Variants in NDUFS4 observed in about 807,000 individuals in gnomAD.
The protein encoded by NDUFS4 is NADH:ubiquinone oxidoreductase subunit S4.
In NDUFS4, 28 loss-of-function variants were observed where a neutral mutation model predicts 24.3. The ratio of observed to expected loss-of-function variants is 1.15; its 90% confidence interval spans 0.85 to 1.58. NDUFS4 has a LOEUF of 1.58. NDUFS4 is among the 40% of genes most tolerant of loss of function. The pLI is 0.00. For missense variants in NDUFS4, 223 were observed against 207.9 expected (o/e 1.07, Z -0.45); for synonymous variants, 93 against 69.7 (o/e 1.34, Z -1.67).
At chr5:53,566,579 G>T (rs6450151) in intron 1 of NDUFS4, among the ~76,000 whole-genome samples, 1 of 151,776 alleles carries the variant, frequency 6.6e-6, no homozygotes, top group Non-Finnish European at 1.5e-5. Flanking sequence ...ATTGTCTCTT[G>T]GTATCCATGA....
intron 3 of NDUFS4, among the ~76,000 whole-genome samples, chr5:53,655,864 C>T (rs1579924008): frequency 2.6e-5 from 4 of 152,116 alleles, no homozygotes; most frequent in Admixed American, 2.6e-4. Flanking sequence ...ATGGAAAGCA[C>T]AAGGTGTTTA....
At chr5:53,680,382 C>CACAT (rs1403914236) in intron 4 of NDUFS4, among the ~76,000 whole-genome samples, 1 of 152,100 alleles carries the variant, frequency 6.6e-6, no homozygotes, top group African/African-American at 2.4e-5. Flanking sequence ...GCTATAAAGA[C>CACAT]ACATGCACAC....
chr5:53,679,969 C>T (rs532985269), intron 4 of NDUFS4, among the ~76,000 whole-genome samples: 1 of 152,212 alleles, frequency 6.6e-6, no homozygotes. Context: ...ATTTATTTTA[C>T]AGGATTCTTA....
intron 2 of NDUFS4, among the ~76,000 whole-genome samples, chr5:53,623,540 C>T (rs1751121650): frequency 6.6e-6 from 1 of 152,106 alleles, no homozygotes; most frequent in Admixed American, 6.5e-5. Context: ...TCCTTTGATG[C>T]ACAAAAATTT....
intron 4 of NDUFS4, among the ~76,000 whole-genome samples, chr5:53,663,120 A>C (rs1246460760): frequency 6.6e-6 from 1 of 152,026 alleles, no homozygotes; most frequent in Non-Finnish European, 1.5e-5. Context: ...GTTTCCATGT[A>C]GTTGAGCGGT....
chr5:53,581,055 G>A (rs1749553942), intron 1 of NDUFS4, among the ~76,000 whole-genome samples: 1 of 151,984 alleles, frequency 6.6e-6, no homozygotes, highest in Non-Finnish European at 1.5e-5. Context: ...CTGGTCTTGA[G>A]CTCCCAACCT....
intron 2 of NDUFS4, among the ~76,000 whole-genome samples, chr5:53,607,108 C>T (rs1750542620): frequency 6.6e-6 from 1 of 152,084 alleles, no homozygotes; most frequent in African/African-American, 2.4e-5. Context: ...TAGATCAGAC[C>T]AGAATGTCAC....
At chr5:53,659,996 AT>A (rs1484389045) in intron 4 of NDUFS4, among the ~76,000 whole-genome samples, 2 of 150,678 alleles carry the variant, frequency 1.3e-5, no homozygotes, top group African/African-American at 4.9e-5. Flanking sequence ...CTATTCTGTT[AT>A]TAATAGACTT....
chr5:53,590,521 A>G (rs761095214), intron 1 of NDUFS4, among the ~76,000 whole-genome samples: 17 of 152,200 alleles, frequency 1.1e-4, no homozygotes, highest in Non-Finnish European at 2.9e-5. Flanking sequence ...AATTTGTTCC[A>G]TGAGGCAGTA....
chr5:53,663,838 G>A (rs576035672), intron 4 of NDUFS4, among the ~76,000 whole-genome samples: 2 of 152,140 alleles, frequency 1.3e-5, no homozygotes, highest in East Asian at 3.9e-4. Context: ...TTACCTTTAA[G>A]GTTAATATTG....
chr5:53,657,882 G>A lies in NDUFS4; in HGVS notation c.351-669G>A, dbSNP rs554412520. Among the ~76,000 whole-genome samples, 4 of 148,984 alleles carry A rather than the reference G, an allele frequency of 2.7e-5. No individual in the cohort carries two copies. In the South Asian group the frequency reaches 6.3e-4, roughly 24 times the overall value. Reference sequence around the variant, plus strand: ...AGAGGTTGCAGTGAGCCCAGATCACGCCACTGTACTCCAGCCTGGGCGACA... The same window carrying A: ...AGAGGTTGCAGTGAGCCCAGATCACACCACTGTACTCCAGCCTGGGCGACA... On this transcript the variant is annotated intron_variant, in intron 3 of 4. Transcript: ENST00000296684.
chr5:53,636,728 G>A (rs1424771204), intron 2 of NDUFS4, among the ~76,000 whole-genome samples: 5 of 152,150 alleles, frequency 3.3e-5, no homozygotes, highest in Non-Finnish European at 7.4e-5. Flanking sequence ...GGATCATCAT[G>A]GTGGTTGGTC....
chr5:53,603,605 T>C, intron 2 of NDUFS4, 75 bp downstream of exon 2: 1 of 1,166,540 alleles, frequency 8.6e-7, no homozygotes, highest in South Asian at 1.3e-5. Flanking sequence ...TTCAGTATGG[T>C]GTTCCAGGTT....
chr5:53,611,308 G>GT (rs1375005111), intron 2 of NDUFS4, among the ~76,000 whole-genome samples: 2 of 150,948 alleles, frequency 1.3e-5, no homozygotes, highest in Non-Finnish European at 2.9e-5. Flanking sequence ...GCATTTTCTA[G>GT]TGCAAGAATC....
At chr5:53,614,660 A>C (rs192061568) in intron 2 of NDUFS4, among the ~76,000 whole-genome samples, 3 of 151,948 alleles carry the variant, frequency 2.0e-5, no homozygotes, top group Admixed American at 2.0e-4. Flanking sequence ...TAATGCATAG[A>C]CCTGTAGTAT....
At chr5:53,603,641 T>C in intron 2 of NDUFS4, 111 bp downstream of exon 2, 1 of 813,106 alleles carries the variant, frequency 1.2e-6, no homozygotes, top group Non-Finnish European at 2.1e-6. Flanking sequence ...TGAATTTGAA[T>C]TTCTAGATTA....
intron 2 of NDUFS4, among the ~76,000 whole-genome samples, chr5:53,606,752 C>T (rs1236114149): frequency 6.6e-6 from 1 of 152,234 alleles, no homozygotes; most frequent in Admixed American, 6.5e-5. Flanking sequence ...GCCTCCATAA[C>T]CTAATCACCT....
At chr5:53,667,498 A>G (rs960549768) in intron 4 of NDUFS4, among the ~76,000 whole-genome samples, 2 of 151,388 alleles carry the variant, frequency 1.3e-5, no homozygotes, top group Admixed American at 6.6e-5. Flanking sequence ...AAAAAAAAAA[A>G]AAAAAGGTGG....
intron 1 of NDUFS4, among the ~76,000 whole-genome samples, chr5:53,596,143 C>A (rs1750126464): frequency 6.6e-6 from 1 of 151,944 alleles, no homozygotes; most frequent in Non-Finnish European, 1.5e-5. Flanking sequence ...TTAAAATGGT[C>A]CCTTAGGCTG....
Sources: allele counts gnomAD v4.1 joint callset (sites outside exome capture counted in the v4.1 genomes callset), GRCh38; gene constraint gnomAD v4.1.1; transcripts MANE v1.5; gene names NCBI Gene and HGNC (gene_info 2026-07-23, HGNC 2026-07-21).